CNTNAP2: variants seen among roughly 807,000 people sequenced by gnomAD.
CNTNAP2 encodes contactin associated protein 2, also known as contactin-associated protein-like 2.
In CNTNAP2, 98 loss-of-function variants were observed where a neutral mutation model predicts 155.2. The ratio of observed to expected loss-of-function variants is 0.63; its 90% confidence interval spans 0.54 to 0.75. The LOEUF (loss-of-function observed/expected upper bound fraction) is 0.75. CNTNAP2 is among the 30% of genes least tolerant of loss of function. The probability of loss-of-function intolerance (pLI) is 0.00; values close to 1 mark genes in which losing one functional copy is unlikely to be tolerated. For synonymous variants in CNTNAP2, 651 were observed against 631.2 expected (o/e 1.03, Z -0.47); for missense variants, 1,727 against 1,688.1 (o/e 1.02, Z -0.40).
chr7:146,802,735 T>G (rs1802902475), intron 2 of CNTNAP2, among the ~76,000 whole-genome samples: 1 of 152,162 alleles, frequency 6.6e-6, no homozygotes, highest in Non-Finnish European at 1.5e-5. Flanking sequence ...TTAAACCTCT[T>G]TTCTTCATAA....
chr7:147,801,309 G>GTTTTTTTTTTTTTTTTTTATTT (rs57750335), intron 13 of CNTNAP2, among the ~76,000 whole-genome samples: 3 of 130,386 alleles, frequency 2.3e-5, no homozygotes, highest in Non-Finnish European at 3.2e-5. Context: ...CTTCTATGAA[G>GTTTTTTTTTTTTTTTTTTATTT]TTTTTTTTTT....
intron 3 of CNTNAP2, among the ~76,000 whole-genome samples, chr7:146,906,230 C>T (rs1796122450): frequency 2.0e-5 from 3 of 152,124 alleles, no homozygotes; most frequent in African/African-American, 7.2e-5. Context: ...GGGGGAGGGG[C>T]GCCCGCCATT....
chr7:147,279,832 G>A (rs1385138666), intron 8 of CNTNAP2, among the ~76,000 whole-genome samples: 3 of 151,800 alleles, frequency 2.0e-5, no homozygotes, highest in Non-Finnish European at 4.4e-5. Flanking sequence ...TAACTTCATC[G>A]ATCACAGTAG....
In CNTNAP2 at chr7:147,137,910, TA is replaced by T. The variant is rs1404293835; in HGVS notation, c.1348+5402del. On this transcript the variant is annotated intron_variant, in intron 8 of 23. Coordinates refer to ENST00000361727, the MANE Select transcript of CNTNAP2 (RefSeq NM_014141.6). ...ATAGATAGATAGATAGATAGATAGA[TA>T]GATAGGTAGATAGATAAAAAGTATT... is the stretch of plus-strand genomic sequence containing the variant. Among the ~76,000 whole-genome samples the T allele has an allele frequency of 3.7e-3, 369 of 98,780 alleles. 4 individuals carry two copies. Among genetic ancestry groups the T allele is most frequent in the East Asian group, 3.8e-3 (11 of 2,896 alleles). The allele number at this position is 98,780 out of a possible 152,430, so 64.8% of individuals were successfully genotyped here. A position where few individuals can be genotyped will look rare whatever the true frequency, so the allele number is the denominator to read the frequency against.
rs1585134972 is a variant in CNTNAP2, at chr7:148,118,199, A to T, written c.2465A>T (p.Asp822Val). 2 of 1,614,186 alleles carry T rather than the reference A, an allele frequency of 1.2e-6. No individual in the cohort carries two copies. The highest frequency in any genetic ancestry group is 1.6e-4 in the Middle Eastern group (1 of 6,062). ...FSTFQGETSADISFYFKTLTP... is the reference protein window; with the variant it reads ...FSTFQGETSAVISFYFKTLTP... ...ACTTTCCAAGGGGAAACTAGCGCTG[A>T]CATTTCTTTCTACTTCAAAACATTA... The change falls in exon 16 of 24, where the codon GAC (aspartate) becomes GTC (valine). Residue 822 changes from aspartate to valine, a missense_variant. Transcript: ENST00000361727.
intron 10 of CNTNAP2, among the ~76,000 whole-genome samples, chr7:147,438,636 A>G (rs1282022320): frequency 6.6e-6 from 1 of 151,662 alleles, no homozygotes; most frequent in Non-Finnish European, 1.5e-5. Flanking sequence ...CTCTTCCTCT[A>G]TTTTTTAGAA....
intron 1 of CNTNAP2, among the ~76,000 whole-genome samples, chr7:146,405,466 TCA>T (rs1487348717): frequency 6.6e-6 from 1 of 152,234 alleles, no homozygotes; most frequent in Non-Finnish European, 1.5e-5. Context: ...TAGCCTGTCA[TCA>T]CACTTTCATT....
At chr7:147,972,868 T>C (rs1801357613) in intron 14 of CNTNAP2, among the ~76,000 whole-genome samples, 1 of 152,040 alleles carries the variant, frequency 6.6e-6, no homozygotes, top group Non-Finnish European at 1.5e-5. Context: ...AACATAAAGG[T>C]ATTTCAGAGG....
rs149875983 is a variant in CNTNAP2 at position 146,382,494 on chromosome 7, T to A, written c.97+265521T>A. On this transcript the variant is annotated intron_variant, in intron 1 of 23. Coordinates refer to ENST00000361727, the MANE Select transcript of CNTNAP2 (RefSeq NM_014141.6). ...TTTCTGAGGTTTTCTGAAAACTATGTCAATGTTCATTAGGCTACACCAAAC... is the reference window on the plus strand; with the variant it reads ...TTTCTGAGGTTTTCTGAAAACTATGACAATGTTCATTAGGCTACACCAAAC... Among the ~76,000 whole-genome samples the A allele has an allele frequency of 2.6e-4, 40 of 152,342 alleles. 1 individual carries two copies. Among genetic ancestry groups the A allele is most frequent in the African/African-American group, 9.4e-4 (39 of 41,576 alleles).
At chr7:147,947,874 G>A (rs77889148) in intron 14 of CNTNAP2, among the ~76,000 whole-genome samples, 4,805 of 152,056 alleles carry the variant, frequency 0.032, 270 homozygotes, top group African/African-American at 0.11. Flanking sequence ...TTTTTAAAAT[G>A]ATTTATTTAC....
At chr7:147,907,739 G>A (rs1799987888) in intron 14 of CNTNAP2, among the ~76,000 whole-genome samples, 1 of 151,960 alleles carries the variant, frequency 6.6e-6, no homozygotes, top group South Asian at 2.1e-4. Context: ...TATACTATAT[G>A]GGATAGTTAT....
chr7:147,806,863 G>A (rs1253200166), intron 13 of CNTNAP2, among the ~76,000 whole-genome samples: 1 of 152,122 alleles, frequency 6.6e-6, no homozygotes, highest in East Asian at 1.9e-4. Flanking sequence ...TGGGGAAGGA[G>A]GAATAAAGAG....
chr7:146,321,546 A>G (rs1007001297), intron 1 of CNTNAP2, among the ~76,000 whole-genome samples: 4 of 152,184 alleles, frequency 2.6e-5, no homozygotes, highest in African/African-American at 9.6e-5. Context: ...ACCTCCTAAC[A>G]GACCCCTTGG....
At chr7:146,895,773 T>C (rs1795865791) in intron 3 of CNTNAP2, among the ~76,000 whole-genome samples, 1 of 152,256 alleles carries the variant, frequency 6.6e-6, no homozygotes, top group Admixed American at 6.5e-5. Context: ...CAAATGGTCA[T>C]ATCTCCAAAG....
At chr7:146,324,011 G>A (rs1584869170) in intron 1 of CNTNAP2, among the ~76,000 whole-genome samples, 1 of 152,064 alleles carries the variant, frequency 6.6e-6, no homozygotes, top group South Asian at 2.1e-4. Flanking sequence ...TCTCTTATAA[G>A]GACTGTGCAT....
At chr7:148,329,269 G>T (rs1219589847) in intron 21 of CNTNAP2, among the ~76,000 whole-genome samples, 1 of 152,192 alleles carries the variant, frequency 6.6e-6, no homozygotes, top group Non-Finnish European at 1.5e-5. Flanking sequence ...ATATGGTCTA[G>T]ATTAGAAGAG....
intron 4 of CNTNAP2, among the ~76,000 whole-genome samples, chr7:147,050,497 G>A (rs17170312): frequency 0.15 from 23,398 of 152,110 alleles, 2,494 homozygotes; most frequent in African/African-American, 0.3. Context: ...AATGCAAATC[G>A]TGATGGAAAA....
chr7:147,595,470 G>GA (rs1199431377), intron 12 of CNTNAP2, among the ~76,000 whole-genome samples: 2 of 152,134 alleles, frequency 1.3e-5, no homozygotes, highest in African/African-American at 2.4e-5. Context: ...TTTACAAATT[G>GA]AAAAAGTTTC....
chr7:146,851,739 G>A (rs1585122406), intron 3 of CNTNAP2, among the ~76,000 whole-genome samples: 1 of 151,248 alleles, frequency 6.6e-6, no homozygotes. Flanking sequence ...CTAGAGTGCA[G>A]TGATGTGATC....
Sources: allele counts gnomAD v4.1 joint callset (sites outside exome capture counted in the v4.1 genomes callset), GRCh38; gene constraint gnomAD v4.1.1; transcripts MANE v1.5; gene names NCBI Gene and HGNC (gene_info 2026-07-23, HGNC 2026-07-21).